PCDH9: variants seen among roughly 807,000 people sequenced by gnomAD.
PCDH9 encodes protocadherin 9, also known as protocadherin-9.
PCDH9 carries 24 observed loss-of-function variants against 70.6 expected under a neutral mutation model. The ratio of observed to expected loss-of-function variants is 0.34; its 90% CI spans 0.25 to 0.48. The LOEUF is 0.48. Ranked by LOEUF, PCDH9 falls within the 20% of genes least tolerant of loss-of-function variation. PCDH9 has a pLI of 0.99. For synonymous variants in PCDH9, 562 were observed against 558.5 expected, an observed-to-expected ratio of 1.01 and a Z score of -0.09; for missense variants, 1,281 against 1,503.6, an observed-to-expected ratio of 0.85 and a Z score of 2.45.
At chr13:66,491,221 G>T (rs547132658) in intron 4 of PCDH9, among the ~76,000 whole-genome samples, 6 of 152,068 alleles carry the variant, frequency 3.9e-5, no homozygotes, top group African/African-American at 7.2e-5. Flanking sequence ...GTCCATAGTT[G>T]TTCTTTTTTA....
At chr13:67,121,138 T>C (rs1004845306) in intron 2 of PCDH9, among the ~76,000 whole-genome samples, 1 of 152,090 alleles carries the variant, frequency 6.6e-6, no homozygotes, top group Non-Finnish European at 1.5e-5. Context: ...AGTAAGATAA[T>C]CTTTTCATCT....
intron 2 of PCDH9, chr13:67,208,087 C>T (rs958409951): frequency 2.0e-5 from 3 of 152,148 alleles, no homozygotes; most frequent in Non-Finnish European, 4.4e-5. Context: ...GTAATTCACA[C>T]TGTATTGTCC....
intron 4 of PCDH9, among the ~76,000 whole-genome samples, chr13:66,454,412 C>T (rs1315774864): frequency 1.3e-5 from 2 of 152,108 alleles, no homozygotes; most frequent in Non-Finnish European, 2.9e-5. Flanking sequence ...GTTGTAGGGA[C>T]CTTCCTTCTC....
intron 3 of PCDH9, among the ~76,000 whole-genome samples, chr13:66,863,769 T>A (rs1032697101): frequency 6.6e-6 from 1 of 152,112 alleles, no homozygotes; most frequent in African/African-American, 2.4e-5. Context: ...CCAATTTTTT[T>A]AATGTAACTT....
intron 3 of PCDH9, among the ~76,000 whole-genome samples, chr13:66,870,145 A>G (rs1443948379): frequency 6.6e-6 from 1 of 152,166 alleles, no homozygotes; most frequent in African/African-American, 2.4e-5. Flanking sequence ...ACATATGGCT[A>G]GCCAGTTTTC....
intron 4 of PCDH9, among the ~76,000 whole-genome samples, chr13:66,308,953 C>T (rs1181195636): frequency 1.3e-5 from 2 of 151,984 alleles, no homozygotes; most frequent in African/African-American, 4.8e-5. Context: ...CAATAATCTG[C>T]TTCTCTGCTG....
In PCDH9 at chr13:67,228,483, G is replaced by A. The variant is rs1207045633; in HGVS notation, c.-43C>T. 9 of 1,491,582 alleles carry A rather than the reference G, an allele frequency of 6.0e-6. No individual in the cohort carries two copies. The highest frequency in any genetic ancestry group is 1.4e-5 in the African/African-American group (1 of 71,168). 92.4% of individuals were successfully genotyped at this position (1,491,582 alleles called of 1,614,324 possible). On this transcript the variant is annotated 5_prime_UTR_variant, in exon 2 of 5. Transcript: ENST00000377865. ...CTTTTCCTGGATTTTAGGGTTTAAAGGTTTCCACTGAGGAATGATGCACAA... is the reference window on the plus strand; with the variant it reads ...CTTTTCCTGGATTTTAGGGTTTAAAAGTTTCCACTGAGGAATGATGCACAA...
chr13:66,994,699 C>A (rs1372821961), intron 2 of PCDH9, among the ~76,000 whole-genome samples: 6 of 152,162 alleles, frequency 3.9e-5, no homozygotes, highest in South Asian at 2.1e-4. Flanking sequence ...GTTCAAAGCA[C>A]AATTTTGTCA....
intron 2 of PCDH9, among the ~76,000 whole-genome samples, chr13:66,932,355 C>T (rs1045028078): frequency 2.0e-5 from 3 of 152,072 alleles, no homozygotes; most frequent in African/African-American, 4.8e-5. Flanking sequence ...TTTGAAGAAA[C>T]GAACTCGTGG....
intron 3 of PCDH9, among the ~76,000 whole-genome samples, chr13:66,748,020 T>A (rs2079399025): frequency 6.6e-6 from 1 of 152,198 alleles, no homozygotes; most frequent in Non-Finnish European, 1.5e-5. Context: ...AGGAAATCAT[T>A]AAAGCCAATT....
intron 2 of PCDH9, among the ~76,000 whole-genome samples, chr13:66,925,060 T>G (rs905620757): frequency 7.2e-5 from 11 of 151,788 alleles, no homozygotes; most frequent in Non-Finnish European, 1.3e-4. Flanking sequence ...AGAATATAAA[T>G]TACAAAACTA....
chr13:66,843,394 A>G (rs1189755272), intron 3 of PCDH9, among the ~76,000 whole-genome samples: 1 of 152,132 alleles, frequency 6.6e-6, no homozygotes, highest in Non-Finnish European at 1.5e-5. Context: ...AATTACACAC[A>G]CGTTATAAAA....
At chr13:66,935,988 G>C (rs1294146300) in intron 2 of PCDH9, among the ~76,000 whole-genome samples, 2 of 152,176 alleles carry the variant, frequency 1.3e-5, no homozygotes, top group African/African-American at 2.4e-5. Flanking sequence ...AGGAGGCTGA[G>C]GCAGGAGGAT....
At chr13:67,139,477 C>G (rs1329078116) in intron 2 of PCDH9, among the ~76,000 whole-genome samples, 1 of 152,186 alleles carries the variant, frequency 6.6e-6, no homozygotes, top group Non-Finnish European at 1.5e-5. Context: ...CTTTTTCTCT[C>G]AATTCTCTGT....
At chr13:67,016,045 A>G (rs966270949) in intron 2 of PCDH9, among the ~76,000 whole-genome samples, 50 of 152,164 alleles carry the variant, frequency 3.3e-4, no homozygotes, top group African/African-American at 1.2e-3. Context: ...TATCACAAGT[A>G]TAACCTGATT....
intron 3 of PCDH9, among the ~76,000 whole-genome samples, chr13:66,783,573 G>A (rs2080033612): frequency 6.6e-6 from 1 of 152,036 alleles, no homozygotes; most frequent in African/African-American, 2.4e-5. Context: ...AGAAACTGAT[G>A]TTTATAAAAA....
intron 4 of PCDH9, among the ~76,000 whole-genome samples, chr13:66,407,312 C>T (rs977288240): frequency 1.3e-5 from 2 of 152,200 alleles, no homozygotes; most frequent in African/African-American, 4.8e-5. Context: ...GAATCTCTTT[C>T]TTCTAATCTA....
At chr13:66,921,803 G>A (rs2139644446) in intron 2 of PCDH9, among the ~76,000 whole-genome samples, 1 of 151,362 alleles carries the variant, frequency 6.6e-6, no homozygotes, top group East Asian at 1.9e-4. Context: ...TGAGAGGTTA[G>A]CAAAACTTCT....
At chr13:66,373,671 A>G (rs1157508236) in intron 4 of PCDH9, among the ~76,000 whole-genome samples, 1 of 152,090 alleles carries the variant, frequency 6.6e-6, no homozygotes, top group Non-Finnish European at 1.5e-5. Flanking sequence ...ACCAGGATCT[A>G]TTAAACAGCA....
Sources: gnomAD v4.1 joint callset for allele counts (sites outside exome capture counted in the v4.1 genomes callset) on GRCh38, gnomAD v4.1.1 for gene constraint, MANE v1.5 for transcripts, NCBI Gene and HGNC (gene_info 2026-07-23, HGNC 2026-07-21) for gene names.